ERF: variants seen among roughly 807,000 people sequenced by gnomAD.
ERF encodes the protein ETS domain-containing transcription factor ERF.
In ERF, 10 loss-of-function variants were observed where a neutral mutation model predicts 41.6. The ratio of observed to expected loss-of-function variants is 0.24; its 90% CI spans 0.15 to 0.41. ERF has a LOEUF of 0.41. ERF is among the 10% of genes least tolerant of loss of function. ERF has a pLI of 1.00. For synonymous variants in ERF, 395 were observed against 342.4 expected, an observed-to-expected ratio of 1.15 and a Z score of -1.70; for missense variants, 621 against 763.2, an observed-to-expected ratio of 0.81 and a Z score of 2.19.
intron 1 of ERF, among the ~76,000 whole-genome samples, chr19:42,252,624 C>T (rs2036462656): frequency 6.6e-6 from 1 of 152,162 alleles, no homozygotes; most frequent in South Asian, 2.1e-4. Context: ...GGGCCTGGAC[C>T]CTGGCTCCCA....
intron 1 of ERF, chr19:42,253,913 G>C (rs1378778471): frequency 3.2e-5 from 34 of 1,059,158 alleles, no homozygotes; most frequent in Non-Finnish European, 3.8e-5. Flanking sequence ...TTTGAACAGC[G>C]GCGCCCGGCC....
chr19:42,251,174 G>A, intron 1 of ERF: 1 of 975,108 alleles, frequency 1.0e-6, no homozygotes, highest in African/African-American at 1.8e-5. Flanking sequence ...CCTGGAGAGT[G>A]AAACCCAGAC....
Position 42,250,649 on chromosome 19 carries a change from C to G in ERF, c.23-84G>C. On this transcript the variant is annotated intron_variant, in intron 1 of 3. Transcript: ENST00000222329. This position sits in a 1 kb window ranked among gnomAD's most constrained non-coding sequence, Gnocchi z 5.1. Reference sequence around the variant, plus strand: ...TCCCATCCCAGGGTCCACCTCTGCCCTGCCTTCAACATGGGGAAATCTGTC... The same window carrying G: ...TCCCATCCCAGGGTCCACCTCTGCCGTGCCTTCAACATGGGGAAATCTGTC... 1 of 1,315,098 alleles carries G rather than the reference C, an allele frequency of 7.6e-7. No homozygotes were observed. Among genetic ancestry groups the G allele is most frequent in the Middle Eastern group, 2.6e-4 (1 of 3,818 alleles). The allele number at this position is 1,315,098 out of a possible 1,614,324, so 81.5% of individuals were successfully genotyped here.
chr19:42,252,080 G>C (rs977333581), intron 1 of ERF, among the ~76,000 whole-genome samples: 1 of 152,134 alleles, frequency 6.6e-6, no homozygotes, highest in African/African-American at 2.4e-5. Context: ...GGGAATCTAG[G>C]TGTTCAACCC....
At position 42,250,713 on chromosome 19, in the gene ERF, A is replaced by G; in HGVS notation, c.23-148T>C. ...GTCAAGATCTGATTTAAGAGAAGAC[A>G]GTGCGTGTCTGTCTGTCTGCATGTG... On this transcript the variant is annotated intron_variant, in intron 1 of 3. Coordinates refer to ENST00000222329, the MANE Select transcript of ERF (RefSeq NM_006494.4). This position sits in a 1 kb window ranked among gnomAD's most constrained non-coding sequence, Gnocchi z 5.1. 1 of 788,758 alleles carries G rather than the reference A, an allele frequency of 1.3e-6. No individual in the cohort carries two copies. The highest frequency in any genetic ancestry group is 2.0e-6 in the Non-Finnish European group (1 of 498,184). 48.9% of individuals were successfully genotyped at this position (788,758 alleles called of 1,614,324 possible).
At chr19:42,253,106 G>T (rs763838721) in intron 1 of ERF, among the ~76,000 whole-genome samples, 4 of 152,168 alleles carry the variant, frequency 2.6e-5, no homozygotes, top group Non-Finnish European at 4.4e-5. Flanking sequence ...AGCCTGGGGG[G>T]ACAAAACTCC....
At position 42,249,379 on chromosome 19, in the gene ERF, G is replaced by A; in HGVS notation, c.733C>T (p.Leu245Phe). 6.3e-7 allele frequency: 1 copy of A among 1,575,862 alleles called. No individual in the cohort carries two copies. The highest frequency in any genetic ancestry group is 8.6e-7 in the Non-Finnish European group (1 of 1,161,540). ...AGAGGCGACACAGGGAAGGGGCTGA[G>A]GGGTTCAGGGCCACCCCGAGGCCGG... ...YPRPRGGPEP[L>F]SPFPVSPLAG... is the part of the protein sequence containing the mutation. Residue 245 changes from leucine to phenylalanine, a missense_variant, in exon 4 of 4, where the codon CTC becomes TTC. Around this residue, in one of 3 missense-constraint regions of ERF, gnomAD observed 569 missense variants for 625.5 expected, o/e 0.91. Transcript: ENST00000222329. The surrounding 1 kb of genome is among the most constrained non-coding windows in gnomAD (Gnocchi z 8.6).
At position 42,250,210 on chromosome 19, in the gene ERF, C is replaced by T; in HGVS notation, c.257+121G>A. 1 of 1,180,716 alleles carries T rather than the reference C, an allele frequency of 8.5e-7. No homozygotes were observed. Among genetic ancestry groups the T allele is most frequent in the Non-Finnish European group, 1.2e-6 (1 of 835,808 alleles). 73.1% of individuals were successfully genotyped at this position (1,180,716 alleles called of 1,614,324 possible). On this transcript the variant is annotated intron_variant, in intron 2 of 3. Coordinates refer to ENST00000222329, the MANE Select transcript of ERF (RefSeq NM_006494.4). The surrounding 1 kb of genome is among the most constrained non-coding windows in gnomAD (Gnocchi z 5.1). The stretch of plus-strand genomic sequence containing the variant: ...GGAAGGGCTGGGAGTGGCCCAAGGT[C>T]ACACAGCTAGGATTTGGCAAAGCCA...
In ERF at chr19:42,250,953, C is replaced by A. The variant is rs1244136635; in HGVS notation, c.23-388G>T. On this transcript the variant is annotated intron_variant, in intron 1 of 3. Coordinates refer to ENST00000222329, the MANE Select transcript of ERF (RefSeq NM_006494.4). The surrounding 1 kb of genome is among the most constrained non-coding windows in gnomAD (Gnocchi z 5.1). ...TACAGCCCCCCAGCTTACCCCCACT[C>A]CCATTCAGAGCCAGTTGCACCACCC... is the stretch of plus-strand genomic sequence containing the variant. Among the ~76,000 whole-genome samples, 1 of 152,150 alleles carries A rather than the reference C, an allele frequency of 6.6e-6. No individual in the cohort carries two copies. The highest frequency in any genetic ancestry group is 1.5e-5 in the Non-Finnish European group (1 of 68,018).
In ERF at chr19:42,250,473, T is replaced by C. The variant is rs1234730500; in HGVS notation, c.115A>G (p.Lys39Glu). 6.2e-7 allele frequency: 1 copy of C among 1,613,518 alleles called. No homozygotes were observed. Among genetic ancestry groups the C allele is most frequent in the Non-Finnish European group, 8.5e-7 (1 of 1,180,010 alleles). Residue 39 changes from lysine to glutamate, a missense_variant, in exon 2 of 4, where the codon AAG becomes GAG. This residue lies in a region of ERF where 34 missense variants were observed against 56.8 expected (regional missense o/e 0.60). Coordinates refer to ENST00000222329, the MANE Select transcript of ERF (RefSeq NM_006494.4). This position sits in a 1 kb window ranked among gnomAD's most constrained non-coding sequence, Gnocchi z 5.1. ...GCAATGACGCCCTGGTACTCCTCCT[T>C]CCGCAGCAGCTCCAGGATAAAGTGC... ...LWHFILELLRKEEYQGVIAWQ... is the reference protein window; with the variant it reads ...LWHFILELLREEEYQGVIAWQ...
At position 42,250,868 on chromosome 19, in the gene ERF, G is replaced by A. The variant is rs1009647176; in HGVS notation, c.23-303C>T. On this transcript the variant is annotated intron_variant, in intron 1 of 3. Transcript: ENST00000222329. This position sits in a 1 kb window ranked among gnomAD's most constrained non-coding sequence, Gnocchi z 5.1. ...GGGCCAGGCACCAAGCCAGGCTGGC[G>A]GGCAGGGCTGCCAGTGGGGGAGGGG... is the stretch of plus-strand genomic sequence containing the variant. Among the ~76,000 whole-genome samples, 3 of 152,100 alleles carry A rather than the reference G, an allele frequency of 2.0e-5. No individual in the cohort carries two copies. Among genetic ancestry groups the A allele is most frequent in the African/African-American group, 4.8e-5 (2 of 41,414 alleles).
rs748628629 is a variant in ERF at position 42,250,284 on chromosome 19, C to CG, written c.257+46dup. Reference sequence around the variant, plus strand: ...CCACAGGCAAGGGGCTGTGCAACCCCGGGGGGGCACTCCACATGTGCTCAG... The same window carrying CG: ...CCACAGGCAAGGGGCTGTGCAACCCCGGGGGGGGCACTCCACATGTGCTCAG... On this transcript the variant is annotated intron_variant, in intron 2 of 3. Coordinates refer to ENST00000222329, the MANE Select transcript of ERF (RefSeq NM_006494.4). The surrounding 1 kb of genome is among the most constrained non-coding windows in gnomAD (Gnocchi z 5.1). 6.0e-5 allele frequency: 96 copies of CG among 1,591,560 alleles called. No individual in the cohort carries two copies. The highest frequency in any genetic ancestry group is 2.0e-4 in the African/African-American group (15 of 74,650).
rs778540681 is a variant in ERF at position 42,249,515 on chromosome 19, C to G, written c.597G>C (p.Pro199=). 4 of 1,612,772 alleles carry G rather than the reference C, an allele frequency of 2.5e-6. No homozygotes were observed. The highest frequency in any genetic ancestry group is 3.4e-6 in the Non-Finnish European group (4 of 1,179,830). Residue 199 remains proline (P), a synonymous_variant, in exon 4 of 4, where the codon CCG becomes CCC. Coordinates refer to ENST00000222329, the MANE Select transcript of ERF (RefSeq NM_006494.4). This position sits in a 1 kb window ranked among gnomAD's most constrained non-coding sequence, Gnocchi z 8.6. ...GTCGGGCGCGGGGATCCTCTCCCAGCGGTTCCTCCAGCTCTGACGTGCCAT... is the reference window on the plus strand; with the variant it reads ...GTCGGGCGCGGGGATCCTCTCCCAGGGGTTCCTCCAGCTCTGACGTGCCAT... ...CSDGTSELEE[P]LGEDPRARPP... is the part of the protein sequence containing the mutation.
In ERF at chr19:42,249,135, A is replaced by C; in HGVS notation, c.977T>G (p.Leu326Arg). The change falls in exon 4 of 4, where the codon CTC (leucine) becomes CGC (arginine). Residue 326 changes from leucine to arginine, a missense_variant. This residue lies in a region of ERF where 569 missense variants were observed against 625.5 expected (regional missense o/e 0.91). Transcript: ENST00000222329. The surrounding 1 kb of genome is among the most constrained non-coding windows in gnomAD (Gnocchi z 8.6). ...GTAGTGCAGGAAGGCGCGGGGGCTG[A>C]GGTGGTAGTTGTAGACGCTTTGGGT... ...AHTQSVYNYH[L>R]SPRAFLHYPG... 6.2e-7 allele frequency: 1 copy of C among 1,613,536 alleles called. No homozygotes were observed. The highest frequency in any genetic ancestry group is 8.5e-7 in the Non-Finnish European group (1 of 1,179,820).
rs587777007 is a variant in ERF, at chr19:42,249,219, CCT to C, written c.891_892del (p.Gly299ArgfsTer9). The C allele has an allele frequency of 6.2e-7, 1 of 1,613,522 alleles. No individual in the cohort carries two copies. The highest frequency in any genetic ancestry group is 8.5e-7 in the Non-Finnish European group (1 of 1,179,760). The stretch of plus-strand genomic sequence containing the variant: ...GCTGAAGGAGAAGTGGGAGCCTCCC[CCT>C]GAGCCGCTGGGCCCCCCGCCACCAC... On this transcript the variant is annotated frameshift_variant, in exon 4 of 4. Coordinates refer to ENST00000222329, the MANE Select transcript of ERF (RefSeq NM_006494.4). LOFTEE classifies it high-confidence loss of function. This position sits in a 1 kb window ranked among gnomAD's most constrained non-coding sequence, Gnocchi z 8.6.
At position 42,254,994 on chromosome 19, in the gene ERF, C is replaced by T; in HGVS notation, c.6G>A (p.Lys2=). The change falls in exon 1 of 4, where the codon AAG becomes AAA. Residue 2 remains lysine, a synonymous_variant. Coordinates refer to ENST00000222329, the MANE Select transcript of ERF (RefSeq NM_006494.4). ...CGCCCCCACCTGTGTCCGCCGGGGT[C>T]TTCATGCTGGGGGGCCCGGGGCGAA... M[K]TPADTGFAFP... The T allele has an allele frequency of 2.7e-6, 4 of 1,464,462 alleles. No homozygotes were observed. Among genetic ancestry groups the T allele is most frequent in the Non-Finnish European group, 3.6e-6 (4 of 1,113,864 alleles). 90.7% of individuals were successfully genotyped at this position (1,464,462 alleles called of 1,614,324 possible). A position where few individuals can be genotyped will look rare whatever the true frequency, so the allele number is the denominator to read the frequency against.
Position 42,250,779 on chromosome 19 carries a change from C to CCGCTCCAGCGACA in ERF, c.23-227_23-215dup, listed in dbSNP as rs1168601508. 6.6e-6 allele frequency among the ~76,000 whole-genome samples: 1 copy of CCGCTCCAGCGACA among 152,222 alleles called. No individual in the cohort carries two copies. Among genetic ancestry groups the CCGCTCCAGCGACA allele is most frequent in the African/African-American group, 2.4e-5 (1 of 41,542 alleles). On this transcript the variant is annotated intron_variant, in intron 1 of 3. Transcript: ENST00000222329. This position sits in a 1 kb window ranked among gnomAD's most constrained non-coding sequence, Gnocchi z 5.1. Reference sequence around the variant, plus strand: ...GCTGGGGGGGAGGGGAAGCTGGAGCCCGCTCCAGCGACACCGGGAGAAACA... The same window carrying CCGCTCCAGCGACA: ...GCTGGGGGGGAGGGGAAGCTGGAGCCCGCTCCAGCGACACGCTCCAGCGACACCGGGAGAAACA...
At chr19:42,252,100 A>G (rs777193343) in intron 1 of ERF, among the ~76,000 whole-genome samples, 4 of 151,640 alleles carry the variant, frequency 2.6e-5, no homozygotes, top group Non-Finnish European at 5.9e-5. Flanking sequence ...CATTATCCTC[A>G]CCCTTCTAGA....
chr19:42,252,924 G>A (rs1472733908), intron 1 of ERF, among the ~76,000 whole-genome samples: 1 of 151,496 alleles, frequency 6.6e-6, no homozygotes, highest in African/African-American at 2.5e-5. Flanking sequence ...GGGAACATGG[G>A]GGCCAGTGAG....
Sources: allele counts gnomAD v4.1 joint callset (sites outside exome capture counted in the v4.1 genomes callset), GRCh38; gene constraint gnomAD v4.1.1; regional missense constraint gnomAD v4.1.1; non-coding constraint Gnocchi (gnomAD v3.1); transcripts MANE v1.5; gene names NCBI Gene and HGNC (gene_info 2026-07-23, HGNC 2026-07-21).